The following FNDC7 variants were observed in gnomAD, a reference collection of about 807,000 sequenced individuals.
The protein encoded by FNDC7 is fibronectin type III domain-containing protein 7.
FNDC7 carries 66 observed loss-of-function variants against 74.2 expected under a neutral mutation model. That is an observed-to-expected ratio of 0.89 (90% confidence interval 0.73 to 1.09). The LOEUF is 1.09. FNDC7 is among the 50% of genes least tolerant of loss of function. The pLI, the probability that FNDC7 is intolerant of heterozygous loss-of-function variation, is 0.00. For synonymous variants in FNDC7, 307 were observed against 330.2 expected (o/e 0.93, Z 0.76); for missense variants, 829 against 893.4 (o/e 0.93, Z 0.92).
chr1:108,741,653 T>C, intron 11 of FNDC7, 120 bp from the exon 12 acceptor site: 2 of 1,002,744 alleles, frequency 2.0e-6, no homozygotes, highest in South Asian at 1.4e-5. Context: ...TGCCGTGAAG[T>C]GCTGCAAAAA....
intron 2 of FNDC7, among the ~76,000 whole-genome samples, chr1:108,713,730 G>A (rs186897126): frequency 1.3e-4 from 20 of 152,298 alleles, no homozygotes; most frequent in African/African-American, 1.4e-4. Context: ...GATTGAACTC[G>A]AAAGACAAAT....
chr1:108,725,563 G>A (rs1012306426), intron 5 of FNDC7, among the ~76,000 whole-genome samples, 187 bp from the exon 6 acceptor site: 2 of 152,222 alleles, frequency 1.3e-5, no homozygotes, highest in African/African-American at 4.8e-5. Flanking sequence ...CTGTAACATA[G>A]CCTTTGGTCC....
chr1:108,729,189 T>C (rs1337146503), intron 8 of FNDC7, among the ~76,000 whole-genome samples: 1 of 152,190 alleles, frequency 6.6e-6, no homozygotes, highest in East Asian at 1.9e-4. Flanking sequence ...AGCTAACAAA[T>C]GAGTAGCCAA....
In FNDC7 at chr1:108,715,667, GCGCGCA is replaced by G. The variant is rs906881419; in HGVS notation, c.83-2108_83-2103del. On this transcript the variant is annotated intron_variant, in intron 2 of 12. Coordinates refer to ENST00000370017, the MANE Select transcript of FNDC7 (RefSeq NM_001144937.3). ...TACACAAACATGCGCGTGCGTGCGC[GCGCGCA>G]CACACACACACACACACACTTTCCA... is the stretch of plus-strand genomic sequence containing the variant. Among the ~76,000 whole-genome samples, 551 of 111,810 alleles carry G rather than the reference GCGCGCA, an allele frequency of 4.9e-3. 2 individuals carry two copies. The highest frequency in any genetic ancestry group is 0.025 in the South Asian group (83 of 3,338). The allele number at this position is 111,810 out of a possible 152,430, so 73.4% of individuals were successfully genotyped here.
At chr1:108,722,110 T>TA (rs765389532) in intron 4 of FNDC7, among the ~76,000 whole-genome samples, 2 of 152,082 alleles carry the variant, frequency 1.3e-5, no homozygotes, top group Non-Finnish European at 2.9e-5. Flanking sequence ...ACAAAAAGGG[T>TA]AAATAATATG....
intron 2 of FNDC7, among the ~76,000 whole-genome samples, chr1:108,715,986 A>G (rs1019726619): frequency 5.3e-5 from 8 of 152,122 alleles, no homozygotes; most frequent in South Asian, 2.1e-4. Flanking sequence ...ATGACTTCCA[A>G]GCAAATGTGC....
rs1044727483 is a variant in FNDC7 at position 108,717,878 on chromosome 1, G to T, written c.184G>T (p.Ala62Ser). Residue 62 changes from alanine (A) to serine (S), a missense_variant, in exon 3 of 13, where the codon GCT (alanine) becomes TCT (serine). Transcript: ENST00000370017. ...GGGTGCCACCAGTTACCTCCTCACGGCTGAAGACGGGGACACAGTCATTGA... is the reference window on the plus strand; with the variant it reads ...GGGTGCCACCAGTTACCTCCTCACGTCTGAAGACGGGGACACAGTCATTGA... ...VPGATSYLLT[A>S]EDGDTVIETT... 7 of 1,551,718 alleles carry T rather than the reference G, an allele frequency of 4.5e-6. No individual in the cohort carries two copies. Among genetic ancestry groups the T allele is most frequent in the African/African-American group, 1.4e-5 (1 of 73,168 alleles).
chr1:108,725,675 A>G, intron 5 of FNDC7, 75 bp from the exon 6 acceptor site: 1 of 1,509,646 alleles, frequency 6.6e-7, no homozygotes, highest in Middle Eastern at 1.7e-4. Flanking sequence ...GGTTGTATTG[A>G]AATCTTGGAT....
At chr1:108,741,217 A>G (rs1299891532) in intron 11 of FNDC7, among the ~76,000 whole-genome samples, 1 of 152,232 alleles carries the variant, frequency 6.6e-6, no homozygotes. Flanking sequence ...AAGGAAAAAA[A>G]AAACCTATTT....
chr1:108,717,718 T>C, intron 2 of FNDC7, 59 bp from the exon 3 acceptor site: 1 of 1,509,336 alleles, frequency 6.6e-7, no homozygotes. Flanking sequence ...AGTAAAATGA[T>C]GAAAGAAGTC....
chr1:108,728,446 A>T (rs181614439), intron 7 of FNDC7, among the ~76,000 whole-genome samples, 186 bp from the exon 8 acceptor site: 1 of 152,200 alleles, frequency 6.6e-6, no homozygotes, highest in Non-Finnish European at 1.5e-5. Context: ...CCAGTACTCT[A>T]TGAACCCAAT....
chr1:108,719,630 A>G (rs962588777), intron 4 of FNDC7, among the ~76,000 whole-genome samples: 1 of 152,114 alleles, frequency 6.6e-6, no homozygotes, highest in African/African-American at 2.4e-5. Context: ...TGTGGGGAGA[A>G]GCTGAAGCTT....
At chr1:108,713,374 C>T (rs1034990909) in intron 1 of FNDC7, 137 bp from the exon 2 acceptor site, 9 of 737,454 alleles carry the variant, frequency 1.2e-5, no homozygotes, top group Non-Finnish European at 1.9e-5. Flanking sequence ...TGGAGAAATA[C>T]TTGTATGGAT....
At chr1:108,727,538 G>C (rs1661245535) in intron 6 of FNDC7, among the ~76,000 whole-genome samples, 1 of 152,112 alleles carries the variant, frequency 6.6e-6, no homozygotes, top group Admixed American at 6.5e-5. Context: ...ACGTGGCGTG[G>C]GGGAATTGAG....
intron 4 of FNDC7, among the ~76,000 whole-genome samples, chr1:108,721,265 C>A (rs1346022257): frequency 1.3e-5 from 2 of 152,098 alleles, no homozygotes; most frequent in Non-Finnish European, 2.9e-5. Context: ...GTCAGGAGAT[C>A]AAGAACATCC....
At chr1:108,718,367 G>A (rs1661023572) in intron 3 of FNDC7, among the ~76,000 whole-genome samples, 1 of 145,990 alleles carries the variant, frequency 6.8e-6, no homozygotes, top group Admixed American at 7.0e-5. Flanking sequence ...TGACCGTATG[G>A]CATATATGTT....
rs74112506 is a variant in FNDC7 at position 108,741,227 on chromosome 1, T to C, written c.2171-546T>C. Among the ~76,000 whole-genome samples the C allele has an allele frequency of 3.2e-3, 480 of 152,186 alleles. 2 individuals carry two copies. Among genetic ancestry groups the C allele is most frequent in the African/African-American group, 0.011 (442 of 41,490 alleles). On this transcript the variant is annotated intron_variant, in intron 11 of 12. Coordinates refer to ENST00000370017, the MANE Select transcript of FNDC7 (RefSeq NM_001144937.3). Reference sequence around the variant, plus strand: ...AGGGAAAGGAAAAAAAAAACCTATTTGAGGTGATAGCGGCTCTAACAAGAG... The same window carrying C: ...AGGGAAAGGAAAAAAAAAACCTATTCGAGGTGATAGCGGCTCTAACAAGAG...
At chr1:108,723,180 T>C (rs1661134286) in intron 5 of FNDC7, among the ~76,000 whole-genome samples, 1 of 152,216 alleles carries the variant, frequency 6.6e-6, no homozygotes, top group South Asian at 2.1e-4. Context: ...TCTGGCACTA[T>C]AAGTATGTTA....
Position 108,718,028 on chromosome 1 carries a change from A to T in FNDC7, c.334A>T (p.Thr112Ser), listed in dbSNP as rs1290504562. ...SQASPPKQAK[T>S]VLAAPILEVS... ...GGCGTCACCTCCAAAGCAGGCAAAG[A>T]CAGGTGGCTGGATGGATGCTCATCC... is the stretch of plus-strand genomic sequence containing the variant. Residue 112 changes from threonine (T) to serine (S), a missense_variant, in exon 3 of 13, where the codon ACA (threonine) becomes TCA (serine). By Grantham distance (58) the Thr-to-Ser change is moderately conservative (BLOSUM62 1). Transcript: ENST00000370017. The T allele has an allele frequency of 4.5e-6, 7 of 1,551,370 alleles. No homozygotes were observed. The highest frequency in any genetic ancestry group is 6.1e-6 in the Non-Finnish European group (7 of 1,146,672).
Sources: allele counts gnomAD v4.1 joint callset (sites outside exome capture counted in the v4.1 genomes callset), GRCh38; gene constraint gnomAD v4.1.1; transcripts MANE v1.5; gene names NCBI Gene and HGNC (gene_info 2026-07-23, HGNC 2026-07-21).